The following CEP85L variants were observed in gnomAD, a reference collection of about 807,000 sequenced individuals.
CEP85L encodes the protein centrosomal protein of 85 kDa-like.
In CEP85L, 60 loss-of-function variants were observed where a neutral mutation model predicts 100.3. That is an observed-to-expected ratio of 0.60 (90% CI 0.49 to 0.74). CEP85L has a LOEUF of 0.74. Ranked by LOEUF, CEP85L falls within the 30% of genes least tolerant of loss-of-function variation. CEP85L has a pLI of 0.00. For missense variants in CEP85L, 973 were observed against 936.2 expected, an observed-to-expected ratio of 1.04 and a Z score of -0.51; for synonymous variants, 319 against 322.7, an observed-to-expected ratio of 0.99 and a Z score of 0.12.
chr6:118,704,048 T>C lies in CEP85L; in HGVS notation c.-28+5988A>G, dbSNP rs1040587630. Among the ~76,000 whole-genome samples, 3 of 152,088 alleles carry C rather than the reference T, an allele frequency of 2.0e-5. No individual in the cohort carries two copies. In the East Asian group the frequency reaches 5.8e-4, roughly 29 times the overall value. ...TGGTAGCCCTTTTAAGAGACAAATA[T>C]AGAAGCAAACTATACCTGCCATGTA... On this transcript the variant is annotated intron_variant, in intron 1 of 13. Transcript: ENST00000368488.
chr6:118,559,279 T>A (rs886060999), intron 3 of CEP85L: 1 of 589,208 alleles, frequency 1.7e-6, no homozygotes, highest in Non-Finnish European at 3.1e-6. Flanking sequence ...TGAAAAGGGC[T>A]TTATTTTCAA....
At chr6:118,601,643 T>C (rs949113187) in intron 2 of CEP85L, among the ~76,000 whole-genome samples, 4 of 152,206 alleles carry the variant, frequency 2.6e-5, no homozygotes, top group African/African-American at 9.6e-5. Context: ...ACAGACAGTG[T>C]AGTCCTATGG....
At chr6:118,527,297 G>C (rs188101256) in intron 3 of CEP85L, among the ~76,000 whole-genome samples, 117 of 152,094 alleles carry the variant, frequency 7.7e-4, no homozygotes, top group Admixed American at 1.6e-3. Flanking sequence ...GAGCCACCGC[G>C]TCCGGCTCTA....
chr6:118,614,865 CAGATAGATAGATAGATAGATAGAT>C (rs57663206), intron 2 of CEP85L, among the ~76,000 whole-genome samples: 6 of 149,860 alleles, frequency 4.0e-5, no homozygotes, highest in Non-Finnish European at 8.9e-5. Flanking sequence ...GACAGACAGA[CAGATAGATAGATAGATAGATAGAT>C]AGATAGATAG....
chr6:118,529,392 G>A (rs1343715011), intron 3 of CEP85L, among the ~76,000 whole-genome samples: 1 of 152,028 alleles, frequency 6.6e-6, no homozygotes, highest in African/African-American at 2.4e-5. Flanking sequence ...TGGATCACAA[G>A]GTCAGGAGAT....
chr6:118,502,499 A>G, intron 5 of CEP85L: 1 of 515,542 alleles, frequency 1.9e-6, no homozygotes, highest in South Asian at 1.6e-5. Flanking sequence ...TGGAGATTAC[A>G]CAAGTAGAGC....
rs2114372624 is a variant in CEP85L at position 118,464,656 on chromosome 6, C to T, written c.*749G>A. The T allele has an allele frequency of 6.6e-6, 1 of 151,830 alleles. No individual in the cohort carries two copies. Among genetic ancestry groups the T allele is most frequent in the South Asian group, 2.1e-4 (1 of 4,802 alleles). The allele number at this position is 151,830 out of a possible 1,614,324, so 9.4% of individuals were successfully genotyped here. A position where few individuals can be genotyped will look rare whatever the true frequency, so the allele number is the denominator to read the frequency against. ...AGTAAGGAACATGTTAAAATTAGTT[C>T]AAGTTATGTTAACCTTTCTTGTAAC... On this transcript the variant is annotated 3_prime_UTR_variant, in exon 13 of 13. Transcript: ENST00000368491.
At chr6:118,567,839 T>C (rs1779644698) in intron 2 of CEP85L, among the ~76,000 whole-genome samples, 1 of 152,102 alleles carries the variant, frequency 6.6e-6, no homozygotes, top group Non-Finnish European at 1.5e-5. Flanking sequence ...AACTTGGACA[T>C]GAAAAGGGAA....
chr6:118,518,834 T>A (rs767487310), intron 4 of CEP85L, among the ~76,000 whole-genome samples: 12 of 152,230 alleles, frequency 7.9e-5, no homozygotes, highest in Non-Finnish European at 1.2e-4. Flanking sequence ...GAGTGTCAAT[T>A]TTAGATCTTT....
At position 118,694,305 on chromosome 6, in the gene CEP85L, T is replaced by C. The variant is rs184784997; in HGVS notation, c.-28+15731A>G. Among the ~76,000 whole-genome samples the C allele has an allele frequency of 4.9e-4, 75 of 152,302 alleles. No individual in the cohort carries two copies. In the East Asian group the frequency reaches 0.013, roughly 27 times the overall value. On this transcript the variant is annotated intron_variant, in intron 1 of 13. Coordinates refer to the CEP85L transcript ENST00000368488. Reference sequence around the variant, plus strand: ...CATAATCCCATCTTGATATAAACTATGGATTACATTGTTCAAATTCATTAC... The same window carrying C: ...CATAATCCCATCTTGATATAAACTACGGATTACATTGTTCAAATTCATTAC...
Position 118,517,496 on chromosome 6 carries a change from T to C in CEP85L, c.1140-6081A>G, listed in dbSNP as rs1430348049. ...TTCTATTCCTAGATATTTTATTCTC[T>C]TTGTAGCAATTGTGAATGAGTTCAC... On this transcript the variant is annotated intron_variant, in intron 4 of 12. Coordinates refer to ENST00000368491, the MANE Select transcript of CEP85L (RefSeq NM_001042475.3). 2.0e-5 allele frequency among the ~76,000 whole-genome samples: 3 copies of C among 152,218 alleles called. No individual in the cohort carries two copies. In the East Asian group the frequency reaches 5.8e-4, roughly 29 times the overall value.
intron 3 of CEP85L, among the ~76,000 whole-genome samples, chr6:118,525,579 T>G (rs1200535481): frequency 6.6e-6 from 1 of 152,146 alleles, no homozygotes; most frequent in Non-Finnish European, 1.5e-5. Context: ...AAGTAGAGAT[T>G]GGAATGACAC....
At chr6:118,556,135 GAA>G (rs1186459808) in intron 3 of CEP85L, among the ~76,000 whole-genome samples, 5 of 152,174 alleles carry the variant, frequency 3.3e-5, no homozygotes, top group African/African-American at 4.8e-5. Flanking sequence ...CTTTACGGCA[GAA>G]AGATTTACAC....
intron 4 of CEP85L, among the ~76,000 whole-genome samples, chr6:118,521,546 G>A (rs992593591): frequency 7.9e-5 from 12 of 152,116 alleles, no homozygotes; most frequent in African/African-American, 2.2e-4. Flanking sequence ...TCCTGTCAAC[G>A]TGATTTTGCT....
intron 2 of CEP85L, among the ~76,000 whole-genome samples, chr6:118,619,707 T>TA (rs1484392702): frequency 6.6e-6 from 1 of 152,202 alleles, no homozygotes; most frequent in Non-Finnish European, 1.5e-5. Context: ...TAAAGGCAGA[T>TA]ACAGGGAAAT....
chr6:118,676,078 A>G (rs1382685682), intron 1 of CEP85L, among the ~76,000 whole-genome samples: 1 of 152,154 alleles, frequency 6.6e-6, no homozygotes, highest in Admixed American at 6.5e-5. Flanking sequence ...TTTTTTTACT[A>G]TTATTAGTCA....
chr6:118,619,709 C>T (rs933044813), intron 2 of CEP85L, among the ~76,000 whole-genome samples: 1 of 152,192 alleles, frequency 6.6e-6, no homozygotes, highest in African/African-American at 2.4e-5. Flanking sequence ...AAGGCAGATA[C>T]AGGGAAATTC....
intron 2 of CEP85L, chr6:118,589,747 A>G: frequency 4.5e-6 from 1 of 223,076 alleles, no homozygotes; most frequent in Non-Finnish European, 8.9e-6. Flanking sequence ...ATAGCAAGTG[A>G]AAGCAGGAGT....
upstream of CEP85L, among the ~76,000 whole-genome samples, chr6:118,652,966 A>AT (rs1054799351): frequency 4.6e-5 from 7 of 151,788 alleles, no homozygotes; most frequent in East Asian, 1.9e-4. Context: ...CTATGTATAG[A>AT]TTTTTTTTTC....
Sources: allele counts gnomAD v4.1 joint callset (sites outside exome capture counted in the v4.1 genomes callset), GRCh38; gene constraint gnomAD v4.1.1; transcripts MANE v1.5; gene names NCBI Gene and HGNC (gene_info 2026-07-23, HGNC 2026-07-21).